The following CSMD1 variants were observed in gnomAD, a reference collection of about 807,000 sequenced individuals.
The protein encoded by CSMD1 is CUB and sushi domain-containing protein 1.
In CSMD1, 213 loss-of-function variants were observed where a neutral mutation model predicts 417.5. The ratio of observed to expected loss-of-function variants is 0.51; its 90% confidence interval spans 0.46 to 0.57. The LOEUF (loss-of-function observed/expected upper bound fraction) is 0.57, where lower values mean the gene tolerates loss of function less well. CSMD1 is among the 20% of genes least tolerant of loss of function. The probability of loss-of-function intolerance (pLI) is 0.00; values close to 1 mark genes in which losing one functional copy is unlikely to be tolerated. For synonymous variants in CSMD1, 2,862 were observed against 1,736.8 expected (o/e 1.65, Z -16.11); for missense variants, 6,923 against 4,529.7 (o/e 1.53, Z -15.17).
intron 1 of CSMD1, among the ~76,000 whole-genome samples, chr8:4,742,694 T>C (rs1321223853): frequency 1.3e-5 from 2 of 152,170 alleles, no homozygotes; most frequent in Non-Finnish European, 2.9e-5. Flanking sequence ...ACAATCAGGT[T>C]GGTTTTATTA....
intron 5 of CSMD1, among the ~76,000 whole-genome samples, chr8:3,858,227 G>C (rs1041537543): frequency 1.3e-5 from 2 of 152,124 alleles, no homozygotes; most frequent in African/African-American, 4.8e-5. Flanking sequence ...CAAAGTAAAA[G>C]TTATATAATA....
At chr8:4,920,683 G>A (rs115330970) in intron 1 of CSMD1, among the ~76,000 whole-genome samples, 305 of 151,832 alleles carry the variant, frequency 2.0e-3, no homozygotes, top group African/African-American at 6.9e-3. Flanking sequence ...ATAGCCATGC[G>A]TGGGTGGTGC....
intron 1 of CSMD1, among the ~76,000 whole-genome samples, chr8:4,697,457 GT>G (rs1226322369): frequency 6.6e-6 from 1 of 152,088 alleles, no homozygotes; most frequent in African/African-American, 2.4e-5. Context: ...AGTTCAATAC[GT>G]AAAAAATTTG....
intron 7 of CSMD1, among the ~76,000 whole-genome samples, chr8:3,648,001 C>G (rs759907143): frequency 6.6e-6 from 1 of 152,210 alleles, no homozygotes; most frequent in Non-Finnish European, 1.5e-5. Flanking sequence ...GGAGGCAGAA[C>G]AGATTCTTAT....
intron 12 of CSMD1, among the ~76,000 whole-genome samples, chr8:3,420,944 TTATA>T (rs1343068421): frequency 6.6e-6 from 1 of 152,182 alleles, no homozygotes; most frequent in Non-Finnish European, 1.5e-5. Context: ...TCAGAATTTA[TTATA>T]TATTAAAGAG....
intron 2 of CSMD1, among the ~76,000 whole-genome samples, chr8:4,572,257 G>C (rs991717196): frequency 2.0e-5 from 3 of 152,192 alleles, no homozygotes; most frequent in Non-Finnish European, 4.4e-5. Flanking sequence ...GCTGGTACCA[G>C]TTTTTCCTTT....
chr8:4,339,433 G>A (rs1425198447), intron 3 of CSMD1, among the ~76,000 whole-genome samples: 2 of 152,032 alleles, frequency 1.3e-5, no homozygotes, highest in Admixed American at 6.6e-5. Flanking sequence ...TAAATGAGAG[G>A]CTGGTGTTTG....
At chr8:4,497,466 GT>G (rs528880332) in intron 2 of CSMD1, among the ~76,000 whole-genome samples, 184 of 152,256 alleles carry the variant, frequency 1.2e-3, no homozygotes, top group Non-Finnish European at 2.0e-3. Flanking sequence ...GCCCAATTGT[GT>G]TTCACAGTTA....
intron 39 of CSMD1, 33 bp from the exon 40 acceptor site, chr8:3,151,546 T>A: frequency 6.6e-6 from 9 of 1,355,558 alleles, no homozygotes; most frequent in Non-Finnish European, 8.4e-6. Context: ...GTCCTGCAGG[T>A]CCTCACTTTC....
chr8:4,256,071 T>C (rs987490070), intron 3 of CSMD1, among the ~76,000 whole-genome samples: 4 of 152,200 alleles, frequency 2.6e-5, no homozygotes, highest in Non-Finnish European at 5.9e-5. Context: ...TTCCTGTAAG[T>C]TGTAGGCAAA....
chr8:4,134,890 C>A (rs574462527), intron 3 of CSMD1, among the ~76,000 whole-genome samples: 1 of 152,136 alleles, frequency 6.6e-6, no homozygotes, highest in African/African-American at 2.4e-5. Flanking sequence ...ACAAATTGCT[C>A]GGAAGGCTTT....
intron 2 of CSMD1, among the ~76,000 whole-genome samples, chr8:4,468,766 C>G (rs1800343009): frequency 6.6e-6 from 1 of 152,168 alleles, no homozygotes; most frequent in South Asian, 2.1e-4. Flanking sequence ...TCTGAATCAG[C>G]TTAGCATGTC....
chr8:3,726,023 T>G (rs1447208899), intron 6 of CSMD1, among the ~76,000 whole-genome samples: 1 of 152,174 alleles, frequency 6.6e-6, no homozygotes, highest in African/African-American at 2.4e-5. Flanking sequence ...CTGCTGGCTC[T>G]TTCTCTCTTG....
At chr8:3,294,388 T>C (rs1803806723) in intron 25 of CSMD1, among the ~76,000 whole-genome samples, 1 of 152,238 alleles carries the variant, frequency 6.6e-6, no homozygotes, top group Admixed American at 6.5e-5. Context: ...AGGTTTCTGC[T>C]GCCTTCTGTT....
intron 1 of CSMD1, among the ~76,000 whole-genome samples, chr8:4,914,920 C>G (rs1229436954): frequency 6.6e-6 from 1 of 152,072 alleles, no homozygotes; most frequent in South Asian, 2.1e-4. Context: ...AAAACAGGAA[C>G]AGAACATTTA....
chr8:3,704,370 G>A (rs1387757892), intron 7 of CSMD1, among the ~76,000 whole-genome samples: 1 of 152,166 alleles, frequency 6.6e-6, no homozygotes, highest in African/African-American at 2.4e-5. Flanking sequence ...GGGCTCCATA[G>A]GAACTCACAC....
At chr8:3,099,393 T>C (rs1410920365) in intron 46 of CSMD1, among the ~76,000 whole-genome samples, 6 of 152,170 alleles carry the variant, frequency 3.9e-5, no homozygotes. Context: ...GGGCTGCCTC[T>C]TCTGTCTGTG....
chr8:4,403,334 T>A (rs1400319533), intron 3 of CSMD1, among the ~76,000 whole-genome samples: 1 of 152,168 alleles, frequency 6.6e-6, no homozygotes, highest in Non-Finnish European at 1.5e-5. Context: ...ACATTTCATT[T>A]TAGAACAAAA....
At chr8:4,828,273 TTGTTACCTTCAA>T (rs1799948245) in intron 1 of CSMD1, among the ~76,000 whole-genome samples, 1 of 152,222 alleles carries the variant, frequency 6.6e-6, no homozygotes, top group Non-Finnish European at 1.5e-5. Flanking sequence ...CTTAGTACTT[TTGTTACCTTCAA>T]TGAAAATTAT....
Sources: gnomAD v4.1 joint callset for allele counts (sites outside exome capture counted in the v4.1 genomes callset) on GRCh38, gnomAD v4.1.1 for gene constraint, MANE v1.5 for transcripts, NCBI Gene and HGNC (gene_info 2026-07-23, HGNC 2026-07-21) for gene names.